The following MAPRE2 variants were observed in gnomAD, a reference collection of about 807,000 sequenced individuals.
The protein encoded by MAPRE2 is microtubule associated protein RP/EB family member 2.
MAPRE2 carries 13 observed loss-of-function variants against 43.2 expected under a neutral mutation model. That is an observed-to-expected ratio of 0.30 (90% CI 0.20 to 0.48). MAPRE2 has a LOEUF of 0.48. MAPRE2 is among the 20% of genes least tolerant of loss of function. The pLI is 0.99. For missense variants in MAPRE2, 161 were observed against 400.2 expected (o/e 0.40, Z 5.10); for synonymous variants, 135 against 148.8 (o/e 0.91, Z 0.68).
chr18:35,089,130 A>G (rs377226914), intron 2 of MAPRE2, among the ~76,000 whole-genome samples: 12 of 152,340 alleles, frequency 7.9e-5, no homozygotes, highest in East Asian at 7.7e-4. Flanking sequence ...AGCAGCAGGA[A>G]TGACTCAGTG....
chr18:35,077,422 T>G (rs2144119869), intron 2 of MAPRE2, among the ~76,000 whole-genome samples: 1 of 152,332 alleles, frequency 6.6e-6, no homozygotes, highest in Non-Finnish European at 1.5e-5. Flanking sequence ...ACAAATGCTA[T>G]TGTATCTACC....
chr18:35,069,107 A>C (rs1906981307), intron 1 of MAPRE2, among the ~76,000 whole-genome samples: 1 of 152,226 alleles, frequency 6.6e-6, no homozygotes, highest in Non-Finnish European at 1.5e-5. Flanking sequence ...ATGTTAAACC[A>C]CAGCAGTGTG....
At chr18:35,140,273 GA>G (rs1910571139) in intron 6 of MAPRE2, 21 bp from the exon 7 acceptor site, 1 of 1,609,726 alleles carries the variant, frequency 6.2e-7, no homozygotes, top group South Asian at 1.1e-5. Flanking sequence ...TATCTCAGCT[GA>G]AACTTCTCCC....
intron 6 of MAPRE2, among the ~76,000 whole-genome samples, chr18:35,133,504 T>G (rs770155715): frequency 1.6e-4 from 25 of 152,188 alleles, no homozygotes; most frequent in Admixed American, 1.3e-4. Context: ...CTAGATGGAC[T>G]ATGGTTATTC....
chr18:35,048,697 A>G (rs1905778020), intron 1 of MAPRE2, among the ~76,000 whole-genome samples: 1 of 149,100 alleles, frequency 6.7e-6, no homozygotes, highest in Non-Finnish European at 1.5e-5. Flanking sequence ...TATACTATAT[A>G]TACTATTATA....
chr18:35,086,795 A>C (rs1413008609), intron 2 of MAPRE2, among the ~76,000 whole-genome samples: 2 of 152,160 alleles, frequency 1.3e-5, no homozygotes, highest in African/African-American at 2.4e-5. Flanking sequence ...AATGATAATA[A>C]AAATACTTAC....
rs577002497 is a variant in MAPRE2 at position 35,043,707 on chromosome 18, A to G, written c.122+2046A>G. 3.9e-5 allele frequency among the ~76,000 whole-genome samples: 6 copies of G among 152,342 alleles called. No individual in the cohort carries two copies. The East Asian group carries it at 1.2e-3, about 29-fold the overall frequency. On this transcript the variant is annotated intron_variant, in intron 1 of 6. Coordinates refer to ENST00000300249, the MANE Select transcript of MAPRE2 (RefSeq NM_014268.4). ...GTATTTGATATAATAGGATTACTGG[A>G]TGATATAGCGAGAGGTGTCATAGGC... is the stretch of plus-strand genomic sequence containing the variant.
intron 4 of MAPRE2, among the ~76,000 whole-genome samples, chr18:35,103,815 G>T (rs549539369): frequency 5.6e-4 from 86 of 152,260 alleles, no homozygotes; most frequent in African/African-American, 1.8e-3. Flanking sequence ...GAGAAGTCAA[G>T]TTAAATGAGG....
In MAPRE2 at chr18:35,142,208, G is replaced by C; in HGVS notation, c.*1839G>C. 6.6e-6 allele frequency: 1 copy of C among 152,252 alleles called. No individual in the cohort carries two copies. The highest frequency in any genetic ancestry group is 1.9e-4 in the East Asian group (1 of 5,202). 9.4% of individuals were successfully genotyped at this position (152,252 alleles called of 1,614,324 possible). ...GCTATACCCAGCATCATGCTTAACAGCGTGTTGCCCTTCTGAGCCTGTTGT... is the reference window on the plus strand; with the variant it reads ...GCTATACCCAGCATCATGCTTAACACCGTGTTGCCCTTCTGAGCCTGTTGT... On this transcript the variant is annotated 3_prime_UTR_variant, in exon 7 of 7. Transcript: ENST00000300249.
At chr18:35,038,950 C>T (rs957514138), upstream of MAPRE2, among the ~76,000 whole-genome samples, 2 of 152,172 alleles carry the variant, frequency 1.3e-5, no homozygotes, top group African/African-American at 4.8e-5. Context: ...CCTTTTTAGA[C>T]CATCAGCCCA....
chr18:35,090,967 A>G (rs991361943), intron 2 of MAPRE2, among the ~76,000 whole-genome samples: 5 of 152,170 alleles, frequency 3.3e-5, no homozygotes, highest in Admixed American at 2.0e-4. Flanking sequence ...TATAATCACT[A>G]CCAAAAAAAT....
intron 1 of MAPRE2, among the ~76,000 whole-genome samples, chr18:35,004,988 G>T (rs1334581540): frequency 2.0e-5 from 3 of 151,780 alleles, no homozygotes; most frequent in Admixed American, 1.3e-4. Flanking sequence ...TTTTAAAGTC[G>T]TTTATAATGC....
At chr18:34,978,413 G>C in intron 1 of MAPRE2, 4 of 1,035,294 alleles carry the variant, frequency 3.9e-6, no homozygotes, top group South Asian at 2.7e-5. Flanking sequence ...TTCGGTCCCA[G>C]CTGGGGTGAA....
chr18:35,048,832 A>G (rs1332254855), intron 1 of MAPRE2, among the ~76,000 whole-genome samples: 1 of 151,392 alleles, frequency 6.6e-6, no homozygotes, highest in Non-Finnish European at 1.5e-5. Flanking sequence ...TTCTAAGATT[A>G]TACTTCCTAA....
At chr18:34,980,878 G>A (rs1393452851) in intron 1 of MAPRE2, among the ~76,000 whole-genome samples, 4 of 152,042 alleles carry the variant, frequency 2.6e-5, no homozygotes, top group Admixed American at 6.6e-5. Context: ...TTTCACCTGT[G>A]TATTGCCCAT....
intron 1 of MAPRE2, among the ~76,000 whole-genome samples, chr18:35,065,159 G>C (rs192688211): frequency 5.3e-5 from 8 of 152,102 alleles, no homozygotes; most frequent in African/African-American, 1.7e-4. Flanking sequence ...TTAGCTGGGC[G>C]TGGTGGCATG....
chr18:34,984,271 T>G (rs1298346133), intron 1 of MAPRE2: 1 of 152,202 alleles, frequency 6.6e-6, no homozygotes, highest in African/African-American at 2.4e-5. Flanking sequence ...TTCCTTCAGC[T>G]AAAAGAACTT....
chr18:35,055,013 C>T (rs779171353), intron 1 of MAPRE2, among the ~76,000 whole-genome samples: 7 of 151,836 alleles, frequency 4.6e-5, no homozygotes, highest in Non-Finnish European at 7.4e-5. Context: ...TATACCTATA[C>T]GGTTAAGTAT....
chr18:35,074,261 T>C (rs1481752145), intron 2 of MAPRE2, among the ~76,000 whole-genome samples: 1 of 152,172 alleles, frequency 6.6e-6, no homozygotes, highest in African/African-American at 2.4e-5. Context: ...TCAAAAGTTA[T>C]ACAGCTTGGG....
Sources: gnomAD v4.1 joint callset for allele counts (sites outside exome capture counted in the v4.1 genomes callset) on GRCh38, gnomAD v4.1.1 for gene constraint, MANE v1.5 for transcripts, NCBI Gene and HGNC (gene_info 2026-07-23, HGNC 2026-07-21) for gene names.